Variants in PACRG observed in about 807,000 individuals in gnomAD.
PACRG encodes parkin coregulated gene protein.
A neutral mutation model predicts 29.7 loss-of-function variants in PACRG; 29 were observed. The ratio of observed to expected loss-of-function variants is 0.98; its 90% CI spans 0.73 to 1.33. The LOEUF is 1.33. PACRG is among the 40% of genes most tolerant of loss of function. PACRG has a pLI of 0.00. For synonymous variants in PACRG, 116 were observed against 118.7 expected (o/e 0.98, Z 0.15); for missense variants, 279 against 316.2 (o/e 0.88, Z 0.89).
intron 2 of PACRG, among the ~76,000 whole-genome samples, chr6:162,989,422 G>A (rs118140017): frequency 0.014 from 2,125 of 152,242 alleles, 19 homozygotes; most frequent in Non-Finnish European, 0.024. Context: ...CCTTTCAGAT[G>A]CCAAAAACCA....
intron 3 of PACRG, among the ~76,000 whole-genome samples, chr6:163,069,669 A>G (rs1190060393): frequency 6.6e-6 from 1 of 152,148 alleles, no homozygotes; most frequent in African/African-American, 2.4e-5. Flanking sequence ...GATCTAGAAA[A>G]TAGCCCCAAA....
intron 2 of PACRG, among the ~76,000 whole-genome samples, chr6:162,923,992 T>C (rs1176315221): frequency 3.3e-5 from 5 of 152,138 alleles, no homozygotes; most frequent in South Asian, 2.1e-4. Flanking sequence ...TTTTACAACA[T>C]GAATTCATCC....
At chr6:162,913,528 A>AT (rs556032019) in intron 2 of PACRG, among the ~76,000 whole-genome samples, 4 of 152,154 alleles carry the variant, frequency 2.6e-5, no homozygotes, top group Non-Finnish European at 5.9e-5. Context: ...TTCATGTACA[A>AT]TTTTTTGTTG....
chr6:162,995,280 T>C (rs1178980481), intron 2 of PACRG, among the ~76,000 whole-genome samples: 2 of 147,516 alleles, frequency 1.4e-5, no homozygotes, highest in African/African-American at 2.6e-5. Flanking sequence ...CAGTTCGAGC[T>C]TCCCGGCTGC....
At chr6:162,816,230 T>A (rs1787328242) in intron 2 of PACRG, among the ~76,000 whole-genome samples, 1 of 152,230 alleles carries the variant, frequency 6.6e-6, no homozygotes, top group African/African-American at 2.4e-5. Flanking sequence ...ACTGGTAGTA[T>A]AATAGCATAA....
At chr6:162,925,127 C>T (rs1562739269) in intron 2 of PACRG, among the ~76,000 whole-genome samples, 3 of 152,072 alleles carry the variant, frequency 2.0e-5, no homozygotes, top group Non-Finnish European at 4.4e-5. Context: ...GAAGTAGGAT[C>T]CTTGAATAGA....
chr6:162,728,879 C>T (rs953258954), intron 1 of PACRG, among the ~76,000 whole-genome samples: 1 of 152,164 alleles, frequency 6.6e-6, no homozygotes, highest in South Asian at 2.1e-4. Flanking sequence ...CTAGCATTTG[C>T]TCTAACAACA....
intron 3 of PACRG, among the ~76,000 whole-genome samples, chr6:163,066,163 A>G (rs1439947956): frequency 6.6e-6 from 1 of 152,258 alleles, no homozygotes; most frequent in African/African-American, 2.4e-5. Context: ...TATAACATAA[A>G]GAAAAATCCT....
chr6:163,238,767 A>C (rs967883517), intron 4 of PACRG, among the ~76,000 whole-genome samples: 5 of 152,226 alleles, frequency 3.3e-5, no homozygotes, highest in African/African-American at 1.2e-4. Flanking sequence ...TCAGTATTGT[A>C]GAATAGAATG....
intron 2 of PACRG, among the ~76,000 whole-genome samples, chr6:163,034,132 G>C (rs930499791): frequency 6.6e-6 from 1 of 152,190 alleles, no homozygotes; most frequent in Non-Finnish European, 1.5e-5. Flanking sequence ...GGCGCTCAGG[G>C]AGGCCAGAGA....
intron 4 of PACRG, among the ~76,000 whole-genome samples, chr6:163,099,282 C>A (rs1296089016): frequency 6.6e-6 from 1 of 152,160 alleles, no homozygotes; most frequent in African/African-American, 2.4e-5. Context: ...GGCACATTTC[C>A]CAATCAGAGA....
chr6:163,300,429 G>A (rs374262066), intron 4 of PACRG, among the ~76,000 whole-genome samples: 10 of 149,078 alleles, frequency 6.7e-5, no homozygotes, highest in South Asian at 2.2e-4. Context: ...CGGTAGATGC[G>A]GGGATTTTCG....
intron 2 of PACRG, among the ~76,000 whole-genome samples, chr6:163,036,030 G>A (rs1808156158): frequency 6.6e-6 from 1 of 151,982 alleles, no homozygotes; most frequent in Admixed American, 6.6e-5. Flanking sequence ...ATAACTTTTG[G>A]TATTGCCTTA....
At chr6:163,255,568 T>G (rs1342581550) in intron 4 of PACRG, among the ~76,000 whole-genome samples, 1 of 151,968 alleles carries the variant, frequency 6.6e-6, no homozygotes, top group Non-Finnish European at 1.5e-5. Context: ...ACCTGGGCCT[T>G]GGGGGCGACC....
intron 2 of PACRG, among the ~76,000 whole-genome samples, chr6:162,956,508 C>A (rs562750586): frequency 6.6e-6 from 1 of 152,322 alleles, no homozygotes; most frequent in African/African-American, 2.4e-5. Flanking sequence ...CTCAAAACAG[C>A]AGAAATTGGC....
At chr6:162,950,706 AT>A (rs1320206996) in intron 2 of PACRG, among the ~76,000 whole-genome samples, 1 of 152,212 alleles carries the variant, frequency 6.6e-6, no homozygotes, top group African/African-American at 2.4e-5. Context: ...AAAGGAAAAA[AT>A]ACTACAAATA....
intron 2 of PACRG, among the ~76,000 whole-genome samples, chr6:163,044,006 A>T (rs1809038831): frequency 6.6e-6 from 1 of 152,110 alleles, no homozygotes; most frequent in Non-Finnish European, 1.5e-5. Flanking sequence ...GAGGTCCTTG[A>T]GGGAAACTTT....
At chr6:162,809,802 G>A (rs1562619280) in intron 1 of PACRG, among the ~76,000 whole-genome samples, 1 of 152,150 alleles carries the variant, frequency 6.6e-6, no homozygotes, top group Non-Finnish European at 1.5e-5. Flanking sequence ...GTGGTTAGTG[G>A]ATGATTAGCA....
At chr6:163,161,561 C>G (rs1370423598) in intron 4 of PACRG, among the ~76,000 whole-genome samples, 1 of 152,202 alleles carries the variant, frequency 6.6e-6, no homozygotes, top group African/African-American at 2.4e-5. Flanking sequence ...CATATCATAA[C>G]TTATATTTTG....
Sources: gnomAD v4.1 joint callset for allele counts (sites outside exome capture counted in the v4.1 genomes callset) on GRCh38, gnomAD v4.1.1 for gene constraint, MANE v1.5 for transcripts, NCBI Gene and HGNC (gene_info 2026-07-23, HGNC 2026-07-21) for gene names.